PARVB: variants seen among roughly 807,000 people sequenced by gnomAD.
The protein encoded by PARVB is parvin beta.
PARVB carries 46 observed loss-of-function variants against 47.0 expected under a neutral mutation model. The ratio of observed to expected loss-of-function variants is 0.98; its 90% CI spans 0.77 to 1.25. PARVB has a LOEUF of 1.25. Among genes scored for constraint, PARVB ranks in the 50% most tolerant of loss-of-function variants. The pLI, the probability that PARVB is intolerant of heterozygous loss-of-function variation, is 0.00. For synonymous variants in PARVB, 196 were observed against 196.3 expected (o/e 1.00, Z 0.01); for missense variants, 473 against 471.6 (o/e 1.00, Z -0.03).
chr22:44,008,058 G>T (rs953238781), intron 2 of PARVB, among the ~76,000 whole-genome samples: 1 of 152,098 alleles, frequency 6.6e-6, no homozygotes, highest in Non-Finnish European at 1.5e-5. Context: ...GTCAGTGGAC[G>T]TTTGGGTTGT....
chr22:44,039,190 A>C (rs2050973975), intron 1 of PARVB, among the ~76,000 whole-genome samples: 1 of 152,164 alleles, frequency 6.6e-6, no homozygotes, highest in African/African-American at 2.4e-5. Context: ...TTCTTTTAAA[A>C]TCAAGTAACC....
At chr22:44,017,533 A>G (rs2050596546) in intron 2 of PARVB, among the ~76,000 whole-genome samples, 2 of 152,238 alleles carry the variant, frequency 1.3e-5, no homozygotes, top group African/African-American at 4.8e-5. Flanking sequence ...TCTGCTTGAA[A>G]TGTGGGGCCA....
At chr22:44,087,595 C>T (rs941172868) in intron 1 of PARVB, among the ~76,000 whole-genome samples, 70 of 151,866 alleles carry the variant, frequency 4.6e-4, no homozygotes, top group Non-Finnish European at 9.6e-4. Context: ...AGCTTGCTTT[C>T]AAAGTTGTTT....
At chr22:44,165,071 C>T (rs1034105187) in intron 12 of PARVB, among the ~76,000 whole-genome samples, 1 of 152,204 alleles carries the variant, frequency 6.6e-6, no homozygotes, top group East Asian at 1.9e-4. Context: ...CAGCTCACTG[C>T]AACCTCTTCC....
rs2053715203 is a variant in PARVB, at chr22:44,147,675, T to G, written c.713-186T>G. The G allele has an allele frequency of 4.0e-6, 3 of 753,306 alleles. No homozygotes were observed. In the East Asian group the frequency reaches 7.5e-5, roughly 19 times the overall value. The allele number at this position is 753,306 out of a possible 1,614,324, so 46.7% of individuals were successfully genotyped here. On this transcript the variant is annotated intron_variant, in intron 8 of 12. Coordinates refer to ENST00000338758, the MANE Select transcript of PARVB (RefSeq NM_013327.5). ...TGTTCCCAAGCGCTCTTGCTCGCCT[T>G]GGTTTGGCCGGGACTGATCATCAGG...
At chr22:44,140,347 T>C in intron 8 of PARVB, 1 of 711,400 alleles carries the variant, frequency 1.4e-6, no homozygotes, top group Non-Finnish European at 2.6e-6. Context: ...TGAGAGTGGC[T>C]GGGTTGTGCT....
intron 1 of PARVB, among the ~76,000 whole-genome samples, chr22:44,057,578 G>T (rs2146951892): frequency 6.6e-6 from 1 of 152,204 alleles, no homozygotes; most frequent in Non-Finnish European, 1.5e-5. Flanking sequence ...GGTCTCGGGG[G>T]AGGCCTGCCT....
intron 1 of PARVB, 119 bp downstream of exon 1, chr22:44,024,570 G>A (rs1420630546): frequency 8.0e-6 from 3 of 373,402 alleles, no homozygotes; most frequent in Admixed American, 1.2e-4. Flanking sequence ...CGGCCCACGC[G>A]GCTGCGCGAC....
chr22:44,132,715 G>A (rs2053355210), intron 5 of PARVB, among the ~76,000 whole-genome samples, 179 bp from the exon 6 acceptor site: 1 of 152,190 alleles, frequency 6.6e-6, no homozygotes, highest in African/African-American at 2.4e-5. Flanking sequence ...AGGAGACAGT[G>A]AAGCTAGAAG....
intron 3 of PARVB, chr22:44,115,391 C>T (rs1315036472): frequency 9.1e-6 from 1 of 109,904 alleles, no homozygotes; most frequent in Non-Finnish European, 1.9e-5. Context: ...TAAGGCCCTA[C>T]AGCAACACAG....
intron 1 of PARVB, chr22:44,069,220 C>G: frequency 6.9e-7 from 1 of 1,454,702 alleles, no homozygotes; most frequent in Admixed American, 1.7e-5. Context: ...GCCAGCCCTT[C>G]TTTTCTTTTC....
At chr22:44,012,443 C>T (rs2050532711) in intron 2 of PARVB, among the ~76,000 whole-genome samples, 1 of 152,210 alleles carries the variant, frequency 6.6e-6, no homozygotes, top group Non-Finnish European at 1.5e-5. Context: ...GTCTGGTCAT[C>T]TCCTCCTGCT....
chr22:44,101,335 G>A (rs951604023), intron 3 of PARVB, among the ~76,000 whole-genome samples: 6 of 151,952 alleles, frequency 3.9e-5, no homozygotes, highest in Admixed American at 1.3e-4. Context: ...CATGAACCCC[G>A]GGGGGCGGAG....
chr22:44,024,188 G>C (rs1447362135), upstream of PARVB: 1 of 252,366 alleles, frequency 4.0e-6, no homozygotes, highest in Non-Finnish European at 6.3e-6. Context: ...AGCAGGCCTC[G>C]GGCATCCGGG....
intron 3 of PARVB, chr22:44,109,559 C>CT (rs1163871388): frequency 2.0e-5 from 3 of 152,094 alleles, no homozygotes; most frequent in African/African-American, 7.2e-5. Flanking sequence ...GCAGCGTGTG[C>CT]TGTGGTATCC....
At chr22:44,104,581 T>C (rs780388014) in intron 3 of PARVB, 2 of 152,442 alleles carry the variant, frequency 1.3e-5, no homozygotes, top group Non-Finnish European at 2.9e-5. Flanking sequence ...TGGATTTGCT[T>C]GTGTTCATGG....
rs1366573875 is a variant in PARVB, at chr22:44,125,264, G to GTTACA, written c.376+6125_376+6126insTACAT. On this transcript the variant is annotated intron_variant, in intron 4 of 12. Transcript: ENST00000338758. The surrounding 1 kb of genome is among the most constrained non-coding windows in gnomAD (Gnocchi z 4.1). ...ATGTTCATTGGCTTACATGTGTCGGGTGGCTCTTGGCTGTAGAGACACAGT... is the reference window on the plus strand; with the variant it reads ...ATGTTCATTGGCTTACATGTGTCGGGTTACATGGCTCTTGGCTGTAGAGACACAGT... Among the ~76,000 whole-genome samples the GTTACA allele has an allele frequency of 7.3e-5, 11 of 151,606 alleles. No homozygotes were observed. Among genetic ancestry groups the GTTACA allele is most frequent in the Admixed American group, 1.3e-4 (2 of 15,236 alleles).
At chr22:44,164,152 C>G (rs2054114034) in intron 12 of PARVB, among the ~76,000 whole-genome samples, 1 of 152,206 alleles carries the variant, frequency 6.6e-6, no homozygotes, top group African/African-American at 2.4e-5. Context: ...TTAATAACCA[C>G]TTGACTTTGA....
At chr22:44,054,913 C>T (rs749435644) in intron 1 of PARVB, among the ~76,000 whole-genome samples, 39 of 148,936 alleles carry the variant, frequency 2.6e-4, no homozygotes, top group Non-Finnish European at 2.5e-4. Context: ...TCACTTGAAC[C>T]CAGGAGGCAG....
Sources: allele counts gnomAD v4.1 joint callset (sites outside exome capture counted in the v4.1 genomes callset), GRCh38; gene constraint gnomAD v4.1.1; non-coding constraint Gnocchi (gnomAD v3.1); transcripts MANE v1.5; gene names NCBI Gene and HGNC (gene_info 2026-07-23, HGNC 2026-07-21).